ADAMTSL3: variants seen among roughly 807,000 people sequenced by gnomAD.
The protein encoded by ADAMTSL3 is ADAMTS-like protein 3.
A neutral mutation model predicts 201.7 loss-of-function variants in ADAMTSL3; 128 were observed. That is an observed-to-expected ratio of 0.63 (90% CI 0.55 to 0.73). The LOEUF (loss-of-function observed/expected upper bound fraction) is 0.73, where lower values mean the gene tolerates loss of function less well. Among genes scored for constraint, ADAMTSL3 ranks in the 30% least tolerant of loss-of-function variants. The pLI, the probability that ADAMTSL3 is intolerant of heterozygous loss-of-function variation, is 0.00. For missense variants in ADAMTSL3, 1,990 were observed against 2,119.6 expected (o/e 0.94, Z 1.20); for synonymous variants, 738 against 748.4 (o/e 0.99, Z 0.23).
At chr15:83,679,822 C>G (rs1327267318) in intron 2 of ADAMTSL3, among the ~76,000 whole-genome samples, 1 of 152,106 alleles carries the variant, frequency 6.6e-6, no homozygotes, top group Non-Finnish European at 1.5e-5. Flanking sequence ...GGTGGAAGTC[C>G]AGGCTTCTCA....
chr15:83,667,517 G>GTTT (rs35255014), intron 2 of ADAMTSL3, among the ~76,000 whole-genome samples: 1,723 of 120,306 alleles, frequency 0.014, 47 homozygotes, highest in African/African-American at 0.05. Flanking sequence ...AATTATGAAG[G>GTTT]TTTTTTTTTT....
chr15:83,759,774 C>T (rs892607738), intron 3 of ADAMTSL3, among the ~76,000 whole-genome samples: 1 of 152,002 alleles, frequency 6.6e-6, no homozygotes, highest in Admixed American at 6.5e-5. Context: ...GTTTGTCCTG[C>T]CTTAGGGCAG....
chr15:83,989,463 A>G (rs919405713), intron 22 of ADAMTSL3, among the ~76,000 whole-genome samples: 4 of 152,230 alleles, frequency 2.6e-5, no homozygotes, highest in African/African-American at 9.6e-5. Flanking sequence ...GTTGATATTA[A>G]TGAACTTTGC....
intron 6 of ADAMTSL3, among the ~76,000 whole-genome samples, chr15:83,826,841 C>T (rs1301064151): frequency 6.6e-6 from 1 of 152,056 alleles, no homozygotes; most frequent in Non-Finnish European, 1.5e-5. Flanking sequence ...GACATGAACT[C>T]ATCCTTTTTT....
chr15:84,017,088 T>A (rs1047236637), intron 25 of ADAMTSL3, among the ~76,000 whole-genome samples: 3 of 152,164 alleles, frequency 2.0e-5, no homozygotes, highest in African/African-American at 4.8e-5. Flanking sequence ...ACTCTTTTTT[T>A]AATTATTTTG....
intron 16 of ADAMTSL3, among the ~76,000 whole-genome samples, chr15:83,917,873 G>A (rs1056259082): frequency 3.3e-5 from 5 of 152,092 alleles, no homozygotes; most frequent in Admixed American, 1.3e-4. Flanking sequence ...ATTAAATAAG[G>A]TGATGTTCAA....
intron 2 of ADAMTSL3, among the ~76,000 whole-genome samples, chr15:83,669,989 G>C (rs2061307704): frequency 6.6e-6 from 1 of 151,614 alleles, no homozygotes; most frequent in South Asian, 2.1e-4. Context: ...TGAGCATGGT[G>C]GCTCACGCTT....
Position 83,923,956 on chromosome 15 carries a change from C to T in ADAMTSL3, c.2040C>T (p.Val680=), listed in dbSNP as rs778161366. 6.2e-7 allele frequency: 1 copy of T among 1,614,020 alleles called. No homozygotes were observed. Among genetic ancestry groups the T allele is most frequent in the Non-Finnish European group, 8.5e-7 (1 of 1,179,994 alleles). The change falls in exon 17 of 30, where the codon GTC becomes GTT. Residue 680 remains valine (V), a synonymous_variant. Transcript: ENST00000286744. ...VCLHIQTQQT[V]NDSLCDMVHR... ...TACATATCCAGACCCAGCAGACAGT[C>T]AATGACAGCTTGTGTGATATGGTCC... is the stretch of plus-strand genomic sequence containing the variant.
At chr15:83,833,453 C>G (rs552726626) in intron 6 of ADAMTSL3, among the ~76,000 whole-genome samples, 1 of 152,000 alleles carries the variant, frequency 6.6e-6, no homozygotes, top group Non-Finnish European at 1.5e-5. Context: ...CTAACCACCC[C>G]CTAAATGTTT....
chr15:83,667,655 A>T (rs2061267214), intron 2 of ADAMTSL3, among the ~76,000 whole-genome samples: 1 of 151,900 alleles, frequency 6.6e-6, no homozygotes, highest in East Asian at 1.9e-4. Context: ...AAACTTTTTA[A>T]AGAACAGTGA....
intron 3 of ADAMTSL3, among the ~76,000 whole-genome samples, chr15:83,760,766 A>G (rs980579986): frequency 3.3e-5 from 5 of 152,160 alleles, no homozygotes; most frequent in African/African-American, 7.2e-5. Flanking sequence ...TACTTTGTCT[A>G]ATTAGTGTGA....
At chr15:83,909,487 A>C (rs1249959076) in intron 15 of ADAMTSL3, among the ~76,000 whole-genome samples, 2 of 152,210 alleles carry the variant, frequency 1.3e-5, no homozygotes, top group Non-Finnish European at 2.9e-5. Flanking sequence ...GTTATCTTCA[A>C]TATTGGATTA....
intron 2 of ADAMTSL3, among the ~76,000 whole-genome samples, chr15:83,678,776 CATT>C (rs1326322421): frequency 1.7e-5 from 2 of 118,414 alleles, no homozygotes; most frequent in African/African-American, 3.5e-5. Flanking sequence ...ATATATATAA[CATT>C]AATATATATG....
At chr15:84,016,283 G>C in intron 24 of ADAMTSL3, 100 bp from the exon 25 acceptor site, 1 of 838,630 alleles carries the variant, frequency 1.2e-6, no homozygotes, top group Non-Finnish European at 1.9e-6. Context: ...TATTATTATA[G>C]AGGACTCATT....
chr15:83,671,868 A>G (rs1443187302), intron 2 of ADAMTSL3, among the ~76,000 whole-genome samples: 2 of 152,162 alleles, frequency 1.3e-5, no homozygotes, highest in Non-Finnish European at 2.9e-5. Context: ...CCTTAAGAGG[A>G]ATAATGGGCC....
At chr15:83,724,252 C>T (rs187249098) in intron 3 of ADAMTSL3, among the ~76,000 whole-genome samples, 81 of 152,084 alleles carry the variant, frequency 5.3e-4, no homozygotes, top group Non-Finnish European at 8.4e-4. Flanking sequence ...GCACACACCA[C>T]CACACACAGC....
chr15:83,752,101 C>G (rs537886507), intron 3 of ADAMTSL3, among the ~76,000 whole-genome samples: 10 of 152,132 alleles, frequency 6.6e-5, no homozygotes, highest in South Asian at 4.1e-4. Flanking sequence ...ATGAAAACAA[C>G]AAAATGAAAA....
At chr15:83,865,161 T>C (rs1236091602) in intron 8 of ADAMTSL3, among the ~76,000 whole-genome samples, 1 of 152,134 alleles carries the variant, frequency 6.6e-6, no homozygotes, top group Non-Finnish European at 1.5e-5. Flanking sequence ...GTAGGAAGAA[T>C]CAGTATCGTG....
chr15:83,858,113 TG>T (rs2064778354), intron 7 of ADAMTSL3, among the ~76,000 whole-genome samples: 1 of 152,218 alleles, frequency 6.6e-6, no homozygotes, highest in African/African-American at 2.4e-5. Flanking sequence ...TTGAGCCATA[TG>T]GTCTTCATTA....
Sources: allele counts gnomAD v4.1 joint callset (sites outside exome capture counted in the v4.1 genomes callset), GRCh38; gene constraint gnomAD v4.1.1; transcripts MANE v1.5; gene names NCBI Gene and HGNC (gene_info 2026-07-23, HGNC 2026-07-21).